The following KIFAP3 variants were observed in gnomAD, a reference collection of about 807,000 sequenced individuals.
KIFAP3 encodes kinesin associated protein 3, also known as kinesin-associated protein 3.
A neutral mutation model predicts 106.5 loss-of-function variants in KIFAP3; 68 were observed. The observed-to-expected ratio is 0.64, with a 90% confidence interval of 0.53 to 0.78. The LOEUF (loss-of-function observed/expected upper bound fraction) is 0.78, where lower values mean the gene tolerates loss of function less well. Among genes scored for constraint, KIFAP3 ranks in the 30% least tolerant of loss-of-function variants. The pLI is 0.00. For synonymous variants in KIFAP3, 320 were observed against 311.5 expected (o/e 1.03, Z -0.29); for missense variants, 780 against 941.8 (o/e 0.83, Z 2.25).
intron 11 of KIFAP3, among the ~76,000 whole-genome samples, chr1:169,987,292 C>A (rs561573563): frequency 6.6e-6 from 1 of 152,000 alleles, no homozygotes; most frequent in African/African-American, 2.4e-5. Context: ...TCAGTCTGTG[C>A]GATGAAGAGG....
intron 10 of KIFAP3, among the ~76,000 whole-genome samples, chr1:169,993,180 T>C (rs1270155717): frequency 5.3e-5 from 8 of 150,394 alleles, no homozygotes; most frequent in Middle Eastern, 3.4e-3. Context: ...CAATCTTGGC[T>C]CACTGCAACC....
chr1:169,956,900 A>G (rs1278977703), intron 18 of KIFAP3, among the ~76,000 whole-genome samples: 2 of 152,066 alleles, frequency 1.3e-5, no homozygotes, highest in African/African-American at 4.8e-5. Flanking sequence ...GCCCAACTTC[A>G]TTTTTAATTT....
chr1:170,074,747 G>C, upstream of KIFAP3: 1 of 1,323,786 alleles, frequency 7.6e-7, no homozygotes, highest in Non-Finnish European at 9.7e-7. Context: ...TGTATGCGCA[G>C]GCTCAGTCTG....
At chr1:169,957,154 A>ATT (rs796929681) in intron 18 of KIFAP3, among the ~76,000 whole-genome samples, 13 of 152,314 alleles carry the variant, frequency 8.5e-5, no homozygotes, top group African/African-American at 2.9e-4. Flanking sequence ...ATAGCTTCTT[A>ATT]TTTATTCTCC....
chr1:170,070,616 T>C (rs79952789), intron 1 of KIFAP3, among the ~76,000 whole-genome samples: 9,598 of 152,090 alleles, frequency 0.063, 389 homozygotes, highest in Non-Finnish European at 0.095. Context: ...GATAGTCACA[T>C]ATAAAAGAAT....
chr1:169,975,299 T>C (rs769546578), intron 16 of KIFAP3, among the ~76,000 whole-genome samples: 44 of 152,200 alleles, frequency 2.9e-4, no homozygotes, highest in Non-Finnish European at 4.1e-4. Flanking sequence ...ATATAAATCA[T>C]ATATTTATCT....
At chr1:169,991,897 T>C (rs1324508889) in intron 11 of KIFAP3, among the ~76,000 whole-genome samples, 1 of 152,056 alleles carries the variant, frequency 6.6e-6, no homozygotes, top group Non-Finnish European at 1.5e-5. Flanking sequence ...ACATATACCA[T>C]GTAATCTCAA....
At chr1:169,945,954 A>G (rs549842908) in intron 19 of KIFAP3, among the ~76,000 whole-genome samples, 1 of 152,352 alleles carries the variant, frequency 6.6e-6, no homozygotes, top group African/African-American at 2.4e-5. Context: ...GCAAATCATT[A>G]GTGTCCAAGC....
chr1:170,055,724 T>A (rs1439431338), intron 1 of KIFAP3, among the ~76,000 whole-genome samples: 2 of 152,160 alleles, frequency 1.3e-5, no homozygotes, highest in African/African-American at 4.8e-5. Context: ...CAAAGAATCA[T>A]GCATAAGAGC....
intron 1 of KIFAP3, among the ~76,000 whole-genome samples, chr1:170,066,684 A>G (rs866511211): frequency 2.6e-5 from 4 of 152,244 alleles, no homozygotes; most frequent in Middle Eastern, 3.4e-3. Flanking sequence ...AGACACAAAA[A>G]CTGGATTCTA....
Position 170,060,548 on chromosome 1 carries a change from G to A in KIFAP3, c.33-5112C>T, listed in dbSNP as rs532823709. 2.6e-4 allele frequency among the ~76,000 whole-genome samples: 39 copies of A among 152,308 alleles called. 1 individual carries two copies. The East Asian group carries it at 6.6e-3, about 26-fold the overall frequency. ...AATGGAAGAACATTCCATGCTCATGGATAGGAAGAATCAATATCGTGAAAA... is the reference window on the plus strand; with the variant it reads ...AATGGAAGAACATTCCATGCTCATGAATAGGAAGAATCAATATCGTGAAAA... On this transcript the variant is annotated intron_variant, in intron 1 of 19. Transcript: ENST00000361580.
chr1:169,940,546 A>G (rs1257975461), intron 19 of KIFAP3, among the ~76,000 whole-genome samples: 1 of 152,164 alleles, frequency 6.6e-6, no homozygotes, highest in Non-Finnish European at 1.5e-5. Flanking sequence ...GATCCTCATA[A>G]GGAGCACACA....
chr1:169,975,450 G>A (rs1311183464), intron 16 of KIFAP3, among the ~76,000 whole-genome samples: 5 of 151,958 alleles, frequency 3.3e-5, no homozygotes, highest in Non-Finnish European at 7.4e-5. Context: ...ATTCATATTG[G>A]ATTCATAGGG....
chr1:169,989,409 T>C (rs1288964232), intron 11 of KIFAP3, among the ~76,000 whole-genome samples: 1 of 152,072 alleles, frequency 6.6e-6, no homozygotes, highest in Non-Finnish European at 1.5e-5. Flanking sequence ...TATTATGTTT[T>C]TGGCTGCTTT....
intron 8 of KIFAP3, among the ~76,000 whole-genome samples, chr1:170,029,899 A>G (rs1669306101): frequency 6.6e-6 from 1 of 152,042 alleles, no homozygotes; most frequent in African/African-American, 2.4e-5. Flanking sequence ...CAAAAGTAGT[A>G]CTTAAATAAT....
At chr1:170,041,757 G>A (rs1210250729) in intron 3 of KIFAP3, 25 of 1,533,844 alleles carry the variant, frequency 1.6e-5, no homozygotes, top group Admixed American at 3.9e-5. Context: ...AAGGGCAATC[G>A]ACATCCCTTT....
At chr1:169,945,353 C>T (rs896948817) in intron 19 of KIFAP3, among the ~76,000 whole-genome samples, 1 of 152,126 alleles carries the variant, frequency 6.6e-6, no homozygotes, top group African/African-American at 2.4e-5. Flanking sequence ...ATGACCTGGT[C>T]TCAAGCTGTG....
At chr1:170,027,758 C>T (rs1669191723) in intron 8 of KIFAP3, among the ~76,000 whole-genome samples, 1 of 151,890 alleles carries the variant, frequency 6.6e-6, no homozygotes, top group Non-Finnish European at 1.5e-5. Flanking sequence ...ATAACAGAAA[C>T]ATTTCCAAAT....
chr1:169,959,940 A>C (rs900875083), intron 18 of KIFAP3, among the ~76,000 whole-genome samples: 17 of 152,136 alleles, frequency 1.1e-4, no homozygotes, highest in Admixed American at 2.6e-4. Context: ...AACTACTGTA[A>C]AGTTCAGTTA....
Sources: gnomAD v4.1 joint callset for allele counts (sites outside exome capture counted in the v4.1 genomes callset) on GRCh38, gnomAD v4.1.1 for gene constraint, MANE v1.5 for transcripts, NCBI Gene and HGNC (gene_info 2026-07-23, HGNC 2026-07-21) for gene names.